Variants in ELMO1 observed in about 807,000 individuals in gnomAD.
ELMO1 encodes the protein engulfment and cell motility protein 1.
A neutral mutation model predicts 98.9 loss-of-function variants in ELMO1; 26 were observed. The observed-to-expected ratio is 0.26, with a 90% CI of 0.19 to 0.36. The LOEUF (loss-of-function observed/expected upper bound fraction) is 0.36. ELMO1 is among the 10% of genes least tolerant of loss of function. The pLI is 1.00. For synonymous variants in ELMO1, 346 were observed against 346.0 expected (o/e 1.00, Z 0.00); for missense variants, 627 against 935.2 (o/e 0.67, Z 4.30).
intron 14 of ELMO1, among the ~76,000 whole-genome samples, chr7:37,124,434 A>C (rs945081670): frequency 3.9e-5 from 6 of 152,218 alleles, no homozygotes; most frequent in Admixed American, 2.6e-4. Context: ...AACTTCAGCA[A>C]AGTCTCAGGA....
intron 6 of ELMO1, among the ~76,000 whole-genome samples, chr7:37,245,891 AAATC>A (rs1254302867): frequency 6.6e-6 from 1 of 152,246 alleles, no homozygotes; most frequent in Non-Finnish European, 1.5e-5. Flanking sequence ...CTGAGCATCA[AAATC>A]AATAATAATA....
chr7:37,425,457 G>A (rs1018880905), intron 1 of ELMO1, among the ~76,000 whole-genome samples: 1 of 152,346 alleles, frequency 6.6e-6, no homozygotes, highest in African/African-American at 2.4e-5. Context: ...CATCATGATA[G>A]TTATCGAGAA....
intron 1 of ELMO1, among the ~76,000 whole-genome samples, chr7:37,361,284 A>G (rs1801688304): frequency 6.6e-6 from 1 of 152,254 alleles, no homozygotes; most frequent in Non-Finnish European, 1.5e-5. Context: ...CATCCATACA[A>G]TGGAAGACTA....
At chr7:37,144,448 CTTTCT>C (rs1373682921) in intron 13 of ELMO1, among the ~76,000 whole-genome samples, 1 of 152,208 alleles carries the variant, frequency 6.6e-6, no homozygotes, top group Admixed American at 6.5e-5. Flanking sequence ...TCCCCCACTC[CTTTCT>C]TATTTATGAG....
chr7:36,982,277 A>G (rs889879110), intron 16 of ELMO1, among the ~76,000 whole-genome samples: 2 of 152,246 alleles, frequency 1.3e-5, no homozygotes, highest in South Asian at 4.1e-4. Flanking sequence ...TTGTAAATGT[A>G]AAACACATGT....
chr7:36,861,781 A>T (rs1427424156), intron 20 of ELMO1, 45 bp from the exon 21 acceptor site: 1 of 1,594,538 alleles, frequency 6.3e-7, no homozygotes, highest in Non-Finnish European at 8.6e-7. Flanking sequence ...AAATCGGCAC[A>T]TTTCATTTTG....
intron 1 of ELMO1, among the ~76,000 whole-genome samples, chr7:37,349,210 C>G (rs955913674): frequency 2.0e-5 from 3 of 152,180 alleles, no homozygotes; most frequent in Non-Finnish European, 4.4e-5. Flanking sequence ...CTCTGTCCCG[C>G]TAAGTCATTA....
chr7:36,895,122 G>A (rs991724834), intron 16 of ELMO1, 105 bp from the exon 17 acceptor site: 10 of 1,256,540 alleles, frequency 8.0e-6, no homozygotes, highest in African/African-American at 6.0e-5. Context: ...CCCTCTGCAC[G>A]CATGCTCAGC....
intron 1 of ELMO1, among the ~76,000 whole-genome samples, chr7:37,416,868 T>C (rs954578847): frequency 6.6e-6 from 1 of 152,234 alleles, no homozygotes; most frequent in Non-Finnish European, 1.5e-5. Context: ...AGTCAGAATG[T>C]GTTTTGTGGC....
At chr7:37,076,443 C>G (rs540328464) in intron 15 of ELMO1, among the ~76,000 whole-genome samples, 7 of 152,214 alleles carry the variant, frequency 4.6e-5, no homozygotes, top group Non-Finnish European at 7.3e-5. Context: ...GAAACGGTCT[C>G]TTTTGCCCAT....
intron 1 of ELMO1, among the ~76,000 whole-genome samples, chr7:37,436,404 C>T (rs1805145358): frequency 6.6e-6 from 1 of 152,200 alleles, no homozygotes; most frequent in African/African-American, 2.4e-5. Context: ...TGAAGATATG[C>T]ATACAGCCAT....
intron 1 of ELMO1, among the ~76,000 whole-genome samples, chr7:37,440,121 T>C (rs1805339034): frequency 6.6e-6 from 1 of 151,962 alleles, no homozygotes; most frequent in African/African-American, 2.4e-5. Context: ...GGCCCACAAT[T>C]GGAATAACTG....
intron 1 of ELMO1, among the ~76,000 whole-genome samples, chr7:37,439,084 T>C (rs980631268): frequency 6.6e-6 from 1 of 152,246 alleles, no homozygotes; most frequent in Non-Finnish European, 1.5e-5. Flanking sequence ...TATTTATTCA[T>C]CTGACCAAGA....
intron 16 of ELMO1, among the ~76,000 whole-genome samples, chr7:36,968,637 C>T (rs145799606): frequency 2.0e-5 from 3 of 152,240 alleles, no homozygotes; most frequent in African/African-American, 7.2e-5. Flanking sequence ...ATTTTCTCTA[C>T]ATTTTATTTG....
intron 16 of ELMO1, among the ~76,000 whole-genome samples, chr7:36,952,436 GAAAGAAGAC>G (rs1189080192): frequency 1.3e-5 from 2 of 152,140 alleles, no homozygotes; most frequent in Non-Finnish European, 2.9e-5. Context: ...CGAGCACAGT[GAAAGAAGAC>G]ACTAATGAAT....
At chr7:37,282,330 C>T (rs1797182761) in intron 4 of ELMO1, among the ~76,000 whole-genome samples, 1 of 152,178 alleles carries the variant, frequency 6.6e-6, no homozygotes, top group African/African-American at 2.4e-5. Flanking sequence ...TCTCTTTCTC[C>T]AGATATGAGG....
intron 1 of ELMO1, among the ~76,000 whole-genome samples, chr7:37,447,226 T>C (rs1404961948): frequency 6.6e-6 from 1 of 152,164 alleles, no homozygotes; most frequent in South Asian, 2.1e-4. Context: ...ATTACTTTTA[T>C]AGAAGCAAAA....
chr7:37,428,652 T>C (rs914699726), intron 1 of ELMO1, among the ~76,000 whole-genome samples: 2 of 152,238 alleles, frequency 1.3e-5, no homozygotes, highest in Non-Finnish European at 2.9e-5. Context: ...TCTTCAGAAA[T>C]GCAAAGACCC....
At chr7:37,195,655 G>C (rs1036187921) in intron 13 of ELMO1, among the ~76,000 whole-genome samples, 1 of 152,198 alleles carries the variant, frequency 6.6e-6, no homozygotes, top group Non-Finnish European at 1.5e-5. Flanking sequence ...CCTCCTCCCA[G>C]AGCTTTCCTC....
Sources: gnomAD v4.1 joint callset for allele counts (sites outside exome capture counted in the v4.1 genomes callset) on GRCh38, gnomAD v4.1.1 for gene constraint, MANE v1.5 for transcripts, NCBI Gene and HGNC (gene_info 2026-07-23, HGNC 2026-07-21) for gene names.